The following PACSIN2 variants were observed in gnomAD, a reference collection of about 807,000 sequenced individuals.
PACSIN2 encodes the protein protein kinase C and casein kinase substrate in neurons protein 2.
PACSIN2 carries 25 observed loss-of-function variants against 63.8 expected under a neutral mutation model. The observed-to-expected ratio is 0.39, with a 90% CI of 0.29 to 0.55. The LOEUF (loss-of-function observed/expected upper bound fraction) is 0.55. Ranked by LOEUF, PACSIN2 falls within the 20% of genes least tolerant of loss-of-function variation. The pLI, the probability that PACSIN2 is intolerant of heterozygous loss-of-function variation, is 0.62. For missense variants in PACSIN2, 518 were observed against 646.9 expected, an observed-to-expected ratio of 0.80 and a Z score of 2.16; for synonymous variants, 255 against 256.2, an observed-to-expected ratio of 1.00 and a Z score of 0.05.
At chr22:42,884,711 A>G (rs1419430734) in intron 5 of PACSIN2, 150 bp from the exon 6 acceptor site, 14 of 625,900 alleles carry the variant, frequency 2.2e-5, no homozygotes, top group Non-Finnish European at 3.9e-5. Flanking sequence ...TTCAAGTCCC[A>G]GTTCCTCCAC....
chr22:42,896,115 C>A (rs1304549867), intron 2 of PACSIN2, among the ~76,000 whole-genome samples: 1 of 152,214 alleles, frequency 6.6e-6, no homozygotes, highest in African/African-American at 2.4e-5. Context: ...ACCACCTCCA[C>A]AGCAAGGAAC....
chr22:42,926,851 A>T (rs1362224041), intron 1 of PACSIN2, among the ~76,000 whole-genome samples: 2 of 152,164 alleles, frequency 1.3e-5, no homozygotes, highest in African/African-American at 4.8e-5. Context: ...TCTTAAAAAA[A>T]AAAAAATGCT....
At chr22:42,945,733 C>T (rs1224615579) in intron 1 of PACSIN2, 2 of 152,480 alleles carry the variant, frequency 1.3e-5, no homozygotes, top group Non-Finnish European at 2.9e-5. Context: ...TAGCTACCTT[C>T]GCTAAGGCCA....
chr22:42,969,882 G>A (rs1234166194), intron 1 of PACSIN2, among the ~76,000 whole-genome samples: 2 of 150,234 alleles, frequency 1.3e-5, no homozygotes, highest in African/African-American at 4.9e-5. Context: ...TAGCCTGAGT[G>A]ACAGGGTGAG....
In PACSIN2 at chr22:42,956,493, G is replaced by GTCAT. The variant is rs572539404; in HGVS notation, c.-77-44340_-77-44337dup. The stretch of plus-strand genomic sequence containing the variant: ...TAATCACTATGGAAAAGCAAACAAT[G>GTCAT]TCATTCATTCATTCATTCATTCAAA... On this transcript the variant is annotated intron_variant, in intron 1 of 10. Transcript: ENST00000263246. Among the ~76,000 whole-genome samples the GTCAT allele has an allele frequency of 2.0e-3, 302 of 152,240 alleles. 1 individual carries two copies. Among genetic ancestry groups the GTCAT allele is most frequent in the African/African-American group, 6.3e-3 (261 of 41,530 alleles).
At chr22:42,927,364 C>T (rs1932604290) in intron 1 of PACSIN2, among the ~76,000 whole-genome samples, 1 of 152,022 alleles carries the variant, frequency 6.6e-6, no homozygotes, top group Admixed American at 6.6e-5. Context: ...CATGTCTCAG[C>T]TTCCCGAGTA....
chr22:42,932,326 T>C (rs528204751), intron 1 of PACSIN2, among the ~76,000 whole-genome samples: 1 of 152,302 alleles, frequency 6.6e-6, no homozygotes, highest in Non-Finnish European at 1.5e-5. Flanking sequence ...TAGCCACACC[T>C]CCCACCACCA....
intron 1 of PACSIN2, among the ~76,000 whole-genome samples, chr22:42,943,154 TAAATG>T (rs1431623710): frequency 6.6e-6 from 1 of 152,268 alleles, no homozygotes; most frequent in Non-Finnish European, 1.5e-5. Flanking sequence ...TATACTATAA[TAAATG>T]AAACTGTTTT....
chr22:42,953,441 C>A (rs1262061343), intron 1 of PACSIN2, among the ~76,000 whole-genome samples: 1 of 152,110 alleles, frequency 6.6e-6, no homozygotes, highest in Admixed American at 6.5e-5. Context: ...ATTGAAGGGC[C>A]TAGCCACTGC....
chr22:42,962,654 C>CTTG (rs1920926213), intron 1 of PACSIN2, among the ~76,000 whole-genome samples: 1 of 151,626 alleles, frequency 6.6e-6, no homozygotes, highest in Non-Finnish European at 1.5e-5. Context: ...CAGCCATTCA[C>CTTG]AGTCCAAGTC....
At chr22:42,931,311 A>G (rs1932773322) in intron 1 of PACSIN2, among the ~76,000 whole-genome samples, 1 of 152,254 alleles carries the variant, frequency 6.6e-6, no homozygotes, top group African/African-American at 2.4e-5. Context: ...TTCCTCATCC[A>G]GAAAACAAAA....
Position 42,879,046 on chromosome 22 carries a change from A to G in PACSIN2, c.1028+2T>C. On this transcript the variant is annotated splice_donor_variant, in intron 8 of 10. Transcript: ENST00000263246. LOFTEE classifies it high-confidence loss of function. ...TTTTGGATGGAGGTGGCGCCCACTC[A>G]CCTGCTGGGCTTACTCGGCAGAGAC... 1.2e-6 allele frequency: 2 copies of G among 1,612,868 alleles called. No individual in the cohort carries two copies.
chr22:42,964,592 G>C (rs911430935), intron 1 of PACSIN2, among the ~76,000 whole-genome samples: 6 of 152,130 alleles, frequency 3.9e-5, no homozygotes, highest in Admixed American at 1.3e-4. Context: ...TGAGTGGCAG[G>C]TGGCTGGCAT....
chr22:42,944,212 C>T (rs1933305559), intron 1 of PACSIN2, among the ~76,000 whole-genome samples: 1 of 152,180 alleles, frequency 6.6e-6, no homozygotes, highest in South Asian at 2.1e-4. Context: ...CTCTGTGGAA[C>T]CGCACCCCCA....
intron 8 of PACSIN2, 101 bp from the exon 9 acceptor site, chr22:42,877,111 T>G: frequency 7.6e-7 from 1 of 1,311,312 alleles, no homozygotes; most frequent in Non-Finnish European, 1.1e-6. Flanking sequence ...AATCAGCTCC[T>G]CCTGTGACCG....
chr22:43,013,090 C>T (rs1166511697), intron 1 of PACSIN2, among the ~76,000 whole-genome samples: 1 of 152,208 alleles, frequency 6.6e-6, no homozygotes, highest in Non-Finnish European at 1.5e-5. Context: ...CCCCGCCCAG[C>T]CTAGATTATT....
chr22:42,980,458 A>G (rs914737990), intron 1 of PACSIN2, among the ~76,000 whole-genome samples: 1 of 149,962 alleles, frequency 6.7e-6, no homozygotes, highest in Non-Finnish European at 1.5e-5. Flanking sequence ...CCTCAAAAAA[A>G]CAAACAACCC....
chr22:42,985,848 T>C (rs1922570483), intron 1 of PACSIN2, among the ~76,000 whole-genome samples: 1 of 152,146 alleles, frequency 6.6e-6, no homozygotes, highest in African/African-American at 2.4e-5. Context: ...CACAGTCTCA[T>C]CTCCAACTGA....
At chr22:42,904,903 G>A (rs1325993877) in intron 2 of PACSIN2, among the ~76,000 whole-genome samples, 5 of 152,110 alleles carry the variant, frequency 3.3e-5, no homozygotes, top group Admixed American at 1.3e-4. Context: ...TCAAACAATC[G>A]TTTATCCACA....
Sources: allele counts gnomAD v4.1 joint callset (sites outside exome capture counted in the v4.1 genomes callset), GRCh38; gene constraint gnomAD v4.1.1; transcripts MANE v1.5; gene names NCBI Gene and HGNC (gene_info 2026-07-23, HGNC 2026-07-21).